The following ADGRB3 variants were observed in gnomAD, a reference collection of about 807,000 sequenced individuals.
The protein encoded by ADGRB3 is brain-specific angiogenesis inhibitor 3.
Under a neutral mutation model 193.4 loss-of-function variants are expected in ADGRB3, and 37 were observed. The ratio of observed to expected loss-of-function variants is 0.19; its 90% CI spans 0.15 to 0.25. The LOEUF (loss-of-function observed/expected upper bound fraction) is 0.25, where lower values mean the gene tolerates loss of function less well. Ranked by LOEUF, ADGRB3 falls within the 10% of genes least tolerant of loss-of-function variation. The pLI, the probability that ADGRB3 is intolerant of heterozygous loss-of-function variation, is 1.00. For missense variants in ADGRB3, 1,637 were observed against 1,852.9 expected (o/e 0.88, Z 2.14); for synonymous variants, 690 against 644.2 (o/e 1.07, Z -1.08).
intron 20 of ADGRB3, among the ~76,000 whole-genome samples, chr6:69,285,565 G>A (rs1418304127): frequency 5.9e-5 from 9 of 152,042 alleles, no homozygotes; most frequent in African/African-American, 2.2e-4. Flanking sequence ...CAGCTACTTG[G>A]GAGGCTGAGG....
intron 17 of ADGRB3, among the ~76,000 whole-genome samples, chr6:69,135,979 G>A (rs975716148): frequency 7.2e-5 from 11 of 151,992 alleles, no homozygotes; most frequent in South Asian, 2.1e-4. Flanking sequence ...CACCAGGGAA[G>A]GTAGAAAATC....
rs1257694993 is a variant in ADGRB3, at chr6:69,339,537, TG to T, written c.3459+35del. 9 of 1,587,174 alleles carry T rather than the reference TG, an allele frequency of 5.7e-6. No homozygotes were observed. In the African/African-American group the frequency reaches 1.2e-4, roughly 21 times the overall value. On this transcript the variant is annotated intron_variant, in intron 26 of 31. Transcript: ENST00000370598. ...GCATTCTTGTGATAGAGAACAGTGA[TG>T]GTTGGAATGGTATTTCCTTGCTAAA...
At chr6:68,677,612 G>A (rs186366232) in intron 3 of ADGRB3, among the ~76,000 whole-genome samples, 12 of 145,680 alleles carry the variant, frequency 8.2e-5, no homozygotes, top group African/African-American at 3.0e-4. Flanking sequence ...CTGCCTCCTA[G>A]GTTCAAGGGA....
rs140370664 is a variant in ADGRB3 at position 68,930,351 on chromosome 6, A to G, written c.758-208A>G. Among the ~76,000 whole-genome samples, 14 of 152,122 alleles carry G rather than the reference A, an allele frequency of 9.2e-5. No homozygotes were observed. The East Asian group carries it at 1.7e-3, about 19-fold the overall frequency. ...AATCTGTTGTGTCATTTTATTGACTATTACTGTTTTTTGAAATCTTGTTCA... is the reference window on the plus strand; with the variant it reads ...AATCTGTTGTGTCATTTTATTGACTGTTACTGTTTTTTGAAATCTTGTTCA... On this transcript the variant is annotated intron_variant, in intron 3 of 31. Coordinates refer to ENST00000370598, the MANE Select transcript of ADGRB3 (RefSeq NM_001704.3).
rs756561473 is a variant in ADGRB3, at chr6:69,146,821, CTTTT to C, written c.2480+70801_2480+70804del. Among the ~76,000 whole-genome samples, 45 of 103,214 alleles carry C rather than the reference CTTTT, an allele frequency of 4.4e-4. 1 individual carries two copies. The highest frequency in any genetic ancestry group is 8.3e-4 in the African/African-American group (22 of 26,530). The allele number at this position is 103,214 out of a possible 152,430, so 67.7% of individuals were successfully genotyped here. A position where few individuals can be genotyped will look rare whatever the true frequency, so the allele number is the denominator to read the frequency against. On this transcript the variant is annotated intron_variant, in intron 17 of 31. Transcript: ENST00000370598. ...TACTATCGCTTCAATCTCATTACTT[CTTTT>C]TTTTTTTTTTTTTTTTTGGTCTTTT...
intron 16 of ADGRB3, among the ~76,000 whole-genome samples, chr6:69,074,968 C>T (rs1772186185): frequency 6.6e-6 from 1 of 152,230 alleles, no homozygotes; most frequent in East Asian, 1.9e-4. Context: ...AAAAGCAATA[C>T]TGAATGGGTG....
chr6:69,053,438 A>G (rs974340455), intron 15 of ADGRB3, among the ~76,000 whole-genome samples: 9 of 152,198 alleles, frequency 5.9e-5, no homozygotes, highest in African/African-American at 2.2e-4. Flanking sequence ...CAAACCATAG[A>G]CTTCCATGAT....
chr6:69,264,829 C>A (rs1767006404), intron 20 of ADGRB3, among the ~76,000 whole-genome samples: 1 of 151,902 alleles, frequency 6.6e-6, no homozygotes, highest in African/African-American at 2.4e-5. Context: ...AGCTATTCTA[C>A]AATACTCTCA....
At chr6:69,063,779 A>G (rs1771820423) in intron 16 of ADGRB3, among the ~76,000 whole-genome samples, 1 of 152,038 alleles carries the variant, frequency 6.6e-6, no homozygotes, top group African/African-American at 2.4e-5. Context: ...TCCTCTGTAC[A>G]AATTTTCAAT....
intron 23 of ADGRB3, chr6:69,332,708 T>G: frequency 1.0e-6 from 1 of 985,440 alleles, no homozygotes; most frequent in Non-Finnish European, 1.2e-6. Flanking sequence ...AGCATGGAAA[T>G]TAAATGAACT....
intron 3 of ADGRB3, among the ~76,000 whole-genome samples, chr6:68,817,449 C>T (rs1767659768): frequency 6.8e-6 from 1 of 147,738 alleles, no homozygotes. Flanking sequence ...TTTTTTTTCA[C>T]ATCTAAGCAC....
At chr6:69,338,864 TGG>T in intron 24 of ADGRB3, 50 bp from the exon 25 acceptor site, 1 of 1,517,554 alleles carries the variant, frequency 6.6e-7, no homozygotes, top group Non-Finnish European at 9.0e-7. Context: ...AATTTTTTTT[TGG>T]TGACAATTCA....
At chr6:68,643,949 C>G (rs577596849) in intron 3 of ADGRB3, among the ~76,000 whole-genome samples, 2 of 151,176 alleles carry the variant, frequency 1.3e-5, no homozygotes, top group East Asian at 1.9e-4. Flanking sequence ...AAAAAAAATT[C>G]CATCTAACTC....
In ADGRB3 at chr6:68,936,511, G is replaced by T; in HGVS notation, c.869-8G>T. ...GTATTTCATGTTTATTTGTTGTCTT[G>T]CACGCAGGTGAATCTGGTGTGGAAG... is the stretch of plus-strand genomic sequence containing the variant. On this transcript the variant is annotated splice_polypyrimidine_tract_variant and splice_region_variant and intron_variant, in intron 4 of 31. Coordinates refer to ENST00000370598, the MANE Select transcript of ADGRB3 (RefSeq NM_001704.3). The T allele has an allele frequency of 6.2e-7, 1 of 1,613,042 alleles. No homozygotes were observed. The highest frequency in any genetic ancestry group is 1.3e-5 in the African/African-American group (1 of 75,004).
intron 13 of ADGRB3, among the ~76,000 whole-genome samples, chr6:69,040,107 A>G (rs112966285): frequency 1.3e-5 from 2 of 152,216 alleles, no homozygotes; most frequent in African/African-American, 4.8e-5. Context: ...TGCCAGTCTG[A>G]GGTTAGACAG....
At chr6:68,966,017 A>G (rs1768372615) in intron 8 of ADGRB3, among the ~76,000 whole-genome samples, 1 of 152,124 alleles carries the variant, frequency 6.6e-6, no homozygotes, top group South Asian at 2.1e-4. Context: ...ATGTGCCTAG[A>G]TATGTCAAAC....
At chr6:69,121,317 T>C (rs1350788546) in intron 17 of ADGRB3, among the ~76,000 whole-genome samples, 1 of 152,086 alleles carries the variant, frequency 6.6e-6, no homozygotes, top group Non-Finnish European at 1.5e-5. Context: ...GAGCACGGGG[T>C]TGGGGGTAAG....
chr6:69,185,342 A>G (rs957574467), intron 17 of ADGRB3, among the ~76,000 whole-genome samples: 1 of 152,108 alleles, frequency 6.6e-6, no homozygotes, highest in Admixed American at 6.6e-5. Context: ...TTGATTAACA[A>G]TTTTGGCCTT....
At chr6:69,098,705 A>T (rs562655593) in intron 17 of ADGRB3, among the ~76,000 whole-genome samples, 1 of 152,228 alleles carries the variant, frequency 6.6e-6, no homozygotes, top group Non-Finnish European at 1.5e-5. Flanking sequence ...GGACAAGGAC[A>T]CAAAACCAAA....
Sources: allele counts gnomAD v4.1 joint callset (sites outside exome capture counted in the v4.1 genomes callset), GRCh38; gene constraint gnomAD v4.1.1; transcripts MANE v1.5; gene names NCBI Gene and HGNC (gene_info 2026-07-23, HGNC 2026-07-21).